Variants in DNAJB14 observed in about 807,000 individuals in gnomAD.
DNAJB14 encodes DnaJ heat shock protein family (Hsp40) member B14, also known as dnaJ homolog subfamily B member 14.
A neutral mutation model predicts 48.4 loss-of-function variants in DNAJB14; 22 were observed. The observed-to-expected ratio is 0.45, with a 90% confidence interval of 0.32 to 0.65. The LOEUF (loss-of-function observed/expected upper bound fraction) is 0.65. Ranked by LOEUF, DNAJB14 falls within the 30% of genes least tolerant of loss-of-function variation. The pLI is 0.03. For missense variants in DNAJB14, 319 were observed against 458.8 expected, an observed-to-expected ratio of 0.70 and a Z score of 2.78; for synonymous variants, 142 against 158.7, an observed-to-expected ratio of 0.89 and a Z score of 0.79.
intron 2 of DNAJB14, chr4:99,927,252 C>T (rs1261111733): frequency 1.3e-5 from 2 of 152,152 alleles, no homozygotes; most frequent in Non-Finnish European, 2.9e-5. Context: ...TGCATGGAAG[C>T]ATAGTTGGTG....
At chr4:99,909,965 C>T (rs1725603255) in intron 3 of DNAJB14, among the ~76,000 whole-genome samples, 1 of 151,996 alleles carries the variant, frequency 6.6e-6, no homozygotes, top group Non-Finnish European at 1.5e-5. Context: ...CATCTTGCTT[C>T]TTAAACTAGA....
intron 6 of DNAJB14, among the ~76,000 whole-genome samples, chr4:99,905,102 T>G (rs1223309373): frequency 6.6e-6 from 1 of 152,092 alleles, no homozygotes; most frequent in African/African-American, 2.4e-5. Context: ...TTGTCTAGAT[T>G]GCATGCTGTA....
intron 7 of DNAJB14, among the ~76,000 whole-genome samples, chr4:99,902,752 T>A (rs976650925): frequency 3.3e-5 from 5 of 152,162 alleles, no homozygotes; most frequent in African/African-American, 1.2e-4. Flanking sequence ...GCCTGGATTC[T>A]AGAGACAAAT....
Position 99,899,061 on chromosome 4 carries a change from C to G in DNAJB14, c.*1967G>C, listed in dbSNP as rs1463997550. 6.6e-6 allele frequency: 1 copy of G among 151,880 alleles called. No homozygotes were observed. Among genetic ancestry groups the G allele is most frequent in the Non-Finnish European group, 1.5e-5 (1 of 67,806 alleles). The allele number at this position is 151,880 out of a possible 1,614,324, so 9.4% of individuals were successfully genotyped here. ...GCAGCACTGCAACTGAAATATAATA[C>G]TGTCCAAAAGCCATGTATGACTTTA... On this transcript the variant is annotated 3_prime_UTR_variant, in exon 8 of 8. Coordinates refer to ENST00000442697, the MANE Select transcript of DNAJB14 (RefSeq NM_001031723.4).
chr4:99,940,279 C>T (rs967536242), intron 1 of DNAJB14, among the ~76,000 whole-genome samples: 14 of 152,074 alleles, frequency 9.2e-5, no homozygotes, highest in African/African-American at 3.4e-4. Context: ...ATTATACAAA[C>T]ATGTATGTTC....
chr4:99,940,464 C>T (rs1446974224), intron 1 of DNAJB14, among the ~76,000 whole-genome samples: 2 of 152,078 alleles, frequency 1.3e-5, no homozygotes, highest in South Asian at 2.1e-4. Flanking sequence ...TCGTGACACA[C>T]GCCTGTAGTC....
chr4:99,910,599 T>C (rs1253402038), intron 3 of DNAJB14, among the ~76,000 whole-genome samples: 3 of 152,052 alleles, frequency 2.0e-5, no homozygotes, highest in East Asian at 1.9e-4. Context: ...TAAGATATTT[T>C]AGATGGTATT....
In DNAJB14 at chr4:99,923,063, G is replaced by C. The variant is rs1357073254; in HGVS notation, c.428C>G (p.Pro143Arg). 6.2e-7 allele frequency: 1 copy of C among 1,608,804 alleles called. No individual in the cohort carries two copies. The highest frequency in any genetic ancestry group is 8.5e-7 in the Non-Finnish European group (1 of 1,178,350). ...LKFHPDKNHA[P>R]GATDAFKKIG... ...ACTTTTAAAAGCATCTGTTGCTCCA[G>C]GTGCATGGTTTTTGTCTGGATGAAA... Residue 143 changes from proline to arginine, a missense_variant, in exon 3 of 8, where the codon CCT becomes CGT. Transcript: ENST00000442697.
rs1725191750 is a variant in DNAJB14, at chr4:99,898,313, A to G, written c.*2715T>C. ...AATCATAAACAAGCATGTAATGATT[A>G]TGAAACAAATACTTATTTAGGTGTT... On this transcript the variant is annotated 3_prime_UTR_variant, in exon 8 of 8. Coordinates refer to ENST00000442697, the MANE Select transcript of DNAJB14 (RefSeq NM_001031723.4). 6.6e-6 allele frequency: 1 copy of G among 152,042 alleles called. No individual in the cohort carries two copies. Among genetic ancestry groups the G allele is most frequent in the Non-Finnish European group, 1.5e-5 (1 of 67,862 alleles). 9.4% of individuals were successfully genotyped at this position (152,042 alleles called of 1,614,324 possible).
chr4:99,903,786 T>C lies in DNAJB14; in HGVS notation c.955A>G (p.Ser319Gly). Residue 319 changes from serine (S) to glycine (G), a missense_variant, in exon 7 of 8, where the codon AGT (serine) becomes GGT (glycine). This residue lies in a region of DNAJB14 where 166 missense variants were observed against 236.3 expected (regional missense o/e 0.70). Transcript: ENST00000442697. ...KGMLLQKVEK[S>G]VEEDYVTNIR... Reference sequence around the variant, plus strand: ...TTAGTCACATAATCTTCCTCCACACTCTTTTCTACCTTTTGTAATAACATT... The same window carrying C: ...TTAGTCACATAATCTTCCTCCACACCCTTTTCTACCTTTTGTAATAACATT... 1 of 1,612,832 alleles carries C rather than the reference T, an allele frequency of 6.2e-7. No homozygotes were observed. The highest frequency in any genetic ancestry group is 1.3e-5 in the African/African-American group (1 of 74,992).
At chr4:99,938,893 T>C (rs1263792390) in intron 1 of DNAJB14, among the ~76,000 whole-genome samples, 1 of 151,988 alleles carries the variant, frequency 6.6e-6, no homozygotes, top group Admixed American at 6.6e-5. Flanking sequence ...TGAAAACTGA[T>C]AAAAGCAATC....
chr4:99,921,236 T>C (rs1233434636), intron 3 of DNAJB14, among the ~76,000 whole-genome samples: 1 of 152,228 alleles, frequency 6.6e-6, no homozygotes, highest in Non-Finnish European at 1.5e-5. Context: ...GTAATCTCTT[T>C]GTGTATTGAA....
At chr4:99,906,289 T>C (rs1725463974) in intron 5 of DNAJB14, 1 of 1,067,228 alleles carries the variant, frequency 9.4e-7, no homozygotes, top group South Asian at 1.7e-5. Context: ...GTACCTTCAT[T>C]AGAATCATAG....
intron 1 of DNAJB14, among the ~76,000 whole-genome samples, chr4:99,941,253 T>C (rs1044506488): frequency 1.3e-5 from 2 of 152,172 alleles, no homozygotes; most frequent in Admixed American, 1.3e-4. Context: ...ACACAGGCAA[T>C]GTAAGGGATG....
At chr4:99,912,210 T>C (rs1303432713) in intron 3 of DNAJB14, among the ~76,000 whole-genome samples, 2 of 152,234 alleles carry the variant, frequency 1.3e-5, no homozygotes, top group Non-Finnish European at 1.5e-5. Context: ...TTTCTGGGTT[T>C]CCTATCTCGT....
intron 4 of DNAJB14, among the ~76,000 whole-genome samples, chr4:99,907,066 A>G (rs1725492606): frequency 6.6e-6 from 1 of 152,208 alleles, no homozygotes; most frequent in Non-Finnish European, 1.5e-5. Flanking sequence ...ACCAGAATTT[A>G]TTCAAACACT....
chr4:99,902,073 G>A (rs772819764), intron 7 of DNAJB14, among the ~76,000 whole-genome samples: 7 of 152,054 alleles, frequency 4.6e-5, no homozygotes, highest in African/African-American at 7.2e-5. Flanking sequence ...CACATAATGC[G>A]CTTATATCTA....
At chr4:99,943,804 T>C (rs1054785124) in intron 1 of DNAJB14, among the ~76,000 whole-genome samples, 4 of 151,726 alleles carry the variant, frequency 2.6e-5, no homozygotes, top group Admixed American at 1.3e-4. Flanking sequence ...TAGGGGAGGA[T>C]TCAAAAATAA....
intron 1 of DNAJB14, 102 bp downstream of exon 1, chr4:99,946,336 CG>C: frequency 2.0e-6 from 3 of 1,516,778 alleles, no homozygotes; most frequent in Admixed American, 2.0e-5. Flanking sequence ...TCAGACAGGC[CG>C]GGGGCCCCGC....
Sources: allele counts gnomAD v4.1 joint callset (sites outside exome capture counted in the v4.1 genomes callset), GRCh38; gene constraint gnomAD v4.1.1; regional missense constraint gnomAD v4.1.1; transcripts MANE v1.5; gene names NCBI Gene and HGNC (gene_info 2026-07-23, HGNC 2026-07-21).